The following ADCK5 variants were observed in gnomAD, a reference collection of about 807,000 sequenced individuals.
The protein encoded by ADCK5 is uncharacterized aarF domain-containing protein kinase 5.
In ADCK5, 43 loss-of-function variants were observed where a neutral mutation model predicts 64.9. The observed-to-expected ratio is 0.66, with a 90% CI of 0.52 to 0.85. The LOEUF (loss-of-function observed/expected upper bound fraction) is 0.85. Ranked by LOEUF, ADCK5 falls within the 40% of genes least tolerant of loss-of-function variation. ADCK5 has a pLI of 0.00. For synonymous variants in ADCK5, 434 were observed against 342.8 expected (o/e 1.27, Z -2.94); for missense variants, 760 against 810.5 (o/e 0.94, Z 0.76).
In ADCK5 at chr8:144,384,104, G is replaced by A. The variant is rs566655749; in HGVS notation, c.266+874G>A. Among the ~76,000 whole-genome samples the A allele has an allele frequency of 2.0e-5, 3 of 151,780 alleles. No individual in the cohort carries two copies. Among genetic ancestry groups the A allele is most frequent in the South Asian group, 4.2e-4 (2 of 4,810 alleles). ...TTTATTTAGTATTTTTAGTAGAAAC[G>A]GGGTTTCACTGTGTTAGCCAGGATG... On this transcript the variant is annotated intron_variant, in intron 3 of 14. Transcript: ENST00000308860. This position sits in a 1 kb window ranked among gnomAD's most constrained non-coding sequence, Gnocchi z 5.7.
In ADCK5 at chr8:144,387,201, C is replaced by T. The variant is rs1371091860; in HGVS notation, c.267-3470C>T. Among the ~76,000 whole-genome samples, 3 of 152,148 alleles carry T rather than the reference C, an allele frequency of 2.0e-5. No individual in the cohort carries two copies. The East Asian group carries it at 5.8e-4, about 29-fold the overall frequency. On this transcript the variant is annotated intron_variant, in intron 3 of 14. Transcript: ENST00000308860. ...AATATTTCACTGCTTCTTATTTTGTCAGTGTGGGTTTGTCTGATGTTTGCT... is the reference window on the plus strand; with the variant it reads ...AATATTTCACTGCTTCTTATTTTGTTAGTGTGGGTTTGTCTGATGTTTGCT...
intron 3 of ADCK5, among the ~76,000 whole-genome samples, chr8:144,390,229 C>G (rs1027679578): frequency 6.6e-6 from 1 of 152,106 alleles, no homozygotes; most frequent in African/African-American, 2.4e-5. Context: ...TAGGCTCAAA[C>G]GATCCTCCTG....
intron 1 of ADCK5, chr8:144,375,438 G>A: frequency 1.0e-6 from 1 of 984,732 alleles, no homozygotes; most frequent in Non-Finnish European, 1.2e-6. Flanking sequence ...GGTTCCCCAG[G>A]CTCTGGTCAT....
intron 2 of ADCK5, 117 bp from the exon 3 acceptor site, chr8:144,382,964 C>G: frequency 7.1e-7 from 1 of 1,399,630 alleles, no homozygotes; most frequent in Non-Finnish European, 9.7e-7. Context: ...GCTGACCACA[C>G]GTCAGAATGG....
chr8:144,377,827 C>T (rs182975864), intron 1 of ADCK5, among the ~76,000 whole-genome samples: 49 of 152,352 alleles, frequency 3.2e-4, no homozygotes, highest in Middle Eastern at 3.4e-3. Flanking sequence ...TCAAGGTTGG[C>T]GTCTGCTGTA....
intron 4 of ADCK5, 25 bp downstream of exon 4, chr8:144,390,771 C>T: frequency 1.2e-6 from 2 of 1,611,552 alleles, no homozygotes; most frequent in Middle Eastern, 1.7e-4. Context: ...CCTGGGCACA[C>T]AGTGGTGGGC....
chr8:144,388,502 C>T (rs971820112), intron 3 of ADCK5, among the ~76,000 whole-genome samples: 60 of 151,332 alleles, frequency 4.0e-4, no homozygotes, highest in Non-Finnish European at 3.8e-4. Context: ...CGGTGGCTCA[C>T]GCCTGTAATC....
chr8:144,380,002 C>G (rs1819531552), intron 2 of ADCK5, among the ~76,000 whole-genome samples: 1 of 152,226 alleles, frequency 6.6e-6, no homozygotes, highest in South Asian at 2.1e-4. Flanking sequence ...GCTGTCCAAG[C>G]GCCACTGGCT....
chr8:144,390,520 G>T, intron 3 of ADCK5, 151 bp from the exon 4 acceptor site: 1 of 796,060 alleles, frequency 1.3e-6, no homozygotes, highest in Non-Finnish European at 2.1e-6. Flanking sequence ...ACAGGCCTAC[G>T]CGGCTGTAGG....
At chr8:144,380,492 C>G (rs879103057) in intron 2 of ADCK5, among the ~76,000 whole-genome samples, 1 of 131,950 alleles carries the variant, frequency 7.6e-6, no homozygotes, top group African/African-American at 2.9e-5. Flanking sequence ...CTGCTGCACT[C>G]AGGATTATGG....
rs889321318 is a variant in ADCK5, at chr8:144,375,390, C to T, written c.12+1283C>T. 10 of 907,784 alleles carry T rather than the reference C, an allele frequency of 1.1e-5. No homozygotes were observed. The African/African-American group carries it at 1.8e-4, about 16-fold the overall frequency. The allele number at this position is 907,784 out of a possible 1,614,324, so 56.2% of individuals were successfully genotyped here. A position where few individuals can be genotyped will look rare whatever the true frequency, so the allele number is the denominator to read the frequency against. ...CCTAACTTTGGGGACAATTATGTGCCTCAGTTTCCCCTCATGTTGAGGTGC... is the reference window on the plus strand; with the variant it reads ...CCTAACTTTGGGGACAATTATGTGCTTCAGTTTCCCCTCATGTTGAGGTGC... On this transcript the variant is annotated intron_variant, in intron 1 of 14. Transcript: ENST00000308860.
chr8:144,381,621 G>T (rs1168663370), intron 2 of ADCK5, among the ~76,000 whole-genome samples: 1 of 145,618 alleles, frequency 6.9e-6, no homozygotes, highest in South Asian at 2.2e-4. Context: ...GGCACCTCCC[G>T]CAGTCAGGAT....
chr8:144,374,620 C>T (rs1242009313), intron 1 of ADCK5, among the ~76,000 whole-genome samples: 1 of 152,144 alleles, frequency 6.6e-6, no homozygotes, highest in African/African-American at 2.4e-5. Context: ...AGGCGCCGTT[C>T]CCCTCGCGAG....
Position 144,390,654 on chromosome 8 carries a change from G to T in ADCK5, c.267-17G>T. 2.5e-6 allele frequency: 4 copies of T among 1,612,230 alleles called. No homozygotes were observed. In the African/African-American group the frequency reaches 5.3e-5, roughly 21 times the overall value. On this transcript the variant is annotated splice_polypyrimidine_tract_variant and intron_variant, in intron 3 of 14. Transcript: ENST00000308860. ...CGAGCCTGCCCCGCTGGAGACTGAG[G>T]CCACCTCTGCCCGCAGGTCTCTGAA...
intron 1 of ADCK5, chr8:144,375,550 C>T: frequency 1.0e-6 from 1 of 985,458 alleles, no homozygotes; most frequent in East Asian, 1.1e-4. Flanking sequence ...TCCTCATCTG[C>T]AGGCGCTGGA....
intron 3 of ADCK5, among the ~76,000 whole-genome samples, chr8:144,387,077 C>T (rs1452739282): frequency 1.3e-5 from 2 of 152,246 alleles, no homozygotes; most frequent in East Asian, 3.8e-4. Flanking sequence ...GGAACACAGC[C>T]ATGCCCATGC....
At position 144,393,188 on chromosome 8, in the gene ADCK5, C is replaced by G; in HGVS notation, c.*114C>G. ...GGGCACTCGCACTGGGGGGCTGTGACAGCAGCTGGGCCAGGAGGCCGTGTA... is the reference window on the plus strand; with the variant it reads ...GGGCACTCGCACTGGGGGGCTGTGAGAGCAGCTGGGCCAGGAGGCCGTGTA... On this transcript the variant is annotated 3_prime_UTR_variant, in exon 15 of 15. Transcript: ENST00000308860. 7.4e-7 allele frequency: 1 copy of G among 1,349,880 alleles called. No individual in the cohort carries two copies. Among genetic ancestry groups the G allele is most frequent in the Non-Finnish European group, 9.9e-7 (1 of 1,009,822 alleles). The allele number at this position is 1,349,880 out of a possible 1,614,324, so 83.6% of individuals were successfully genotyped here.
At chr8:144,377,984 T>A (rs1819440115) in intron 1 of ADCK5, among the ~76,000 whole-genome samples, 1 of 152,086 alleles carries the variant, frequency 6.6e-6, no homozygotes, top group Non-Finnish European at 1.5e-5. Context: ...GGGGCAGGGA[T>A]GGGGTGGGTC....
intron 3 of ADCK5, among the ~76,000 whole-genome samples, chr8:144,385,674 C>T (rs1819885027): frequency 6.7e-6 from 1 of 149,918 alleles, no homozygotes; most frequent in African/African-American, 2.5e-5. Context: ...ATAAAATCAC[C>T]TATATGTGGC....
Sources: allele counts gnomAD v4.1 joint callset (sites outside exome capture counted in the v4.1 genomes callset), GRCh38; gene constraint gnomAD v4.1.1; non-coding constraint Gnocchi (gnomAD v3.1); transcripts MANE v1.5; gene names NCBI Gene and HGNC (gene_info 2026-07-23, HGNC 2026-07-21).